CIMAP2: variants seen among roughly 807,000 people sequenced by gnomAD.
CIMAP2 encodes ciliary microtubule-associated protein 2.
chr1:54,813,020 C>T, the CIMAP2 span, among the ~76,000 whole-genome samples: 1 of 152,166 alleles, frequency 6.6e-6, no homozygotes, highest in African/African-American at 2.4e-5. Flanking sequence ...TCCCTGGAGC[C>T]CCCCAGACCT....
chr1:54,811,650 T>C, the CIMAP2 span: 1 of 839,754 alleles, frequency 1.2e-6, no homozygotes, highest in Non-Finnish European at 1.9e-6. Flanking sequence ...AACAATGTTG[T>C]GTGTCAGAGG....
chr1:54,811,765 G>GCCGGGGGGGGGCGGGCCCCCCCCC, the CIMAP2 span: 1 of 1,301,330 alleles, frequency 7.7e-7, no homozygotes, highest in East Asian at 2.5e-5. Flanking sequence ...GGTTCTGACA[G>GCCGGGGGGGGGCGGGCCCCCCCCC]CCTCCATGCC....
the CIMAP2 span, among the ~76,000 whole-genome samples, chr1:54,812,445 T>A: frequency 6.6e-6 from 1 of 152,200 alleles, no homozygotes; most frequent in Non-Finnish European, 1.5e-5. Context: ...CACTGCCAAC[T>A]CTCTCCTCTG....
the CIMAP2 span, chr1:54,807,175 A>G: frequency 7.4e-7 from 1 of 1,343,808 alleles, no homozygotes; most frequent in Non-Finnish European, 1.1e-6. Flanking sequence ...GAGCTGTAGA[A>G]GGGGCGTACT....
chr1:54,813,604 C>G, the CIMAP2 span, among the ~76,000 whole-genome samples: 1 of 152,154 alleles, frequency 6.6e-6, no homozygotes. Context: ...CTAACCCCGC[C>G]CCGACCCGCT....
chr1:54,811,765 G>GCCGGGGGGGGCGCCCCCC, the CIMAP2 span: 1 of 1,301,324 alleles, frequency 7.7e-7, no homozygotes, highest in Non-Finnish European at 1.1e-6. Context: ...GGTTCTGACA[G>GCCGGGGGGGGCGCCCCCC]CCTCCATGCC....
chr1:54,840,469 C>T, the CIMAP2 span, among the ~76,000 whole-genome samples: 49 of 152,204 alleles, frequency 3.2e-4, no homozygotes, highest in African/African-American at 1.1e-3. Context: ...TTCATGTAGA[C>T]GTATGTTTTT....
chr1:54,831,584 C>T, the CIMAP2 span, among the ~76,000 whole-genome samples: 3 of 151,682 alleles, frequency 2.0e-5, no homozygotes, highest in African/African-American at 7.3e-5. Flanking sequence ...ATCCGGGAGG[C>T]GGAGGGTGCA....
chr1:54,821,592 G>A, the CIMAP2 span, among the ~76,000 whole-genome samples: 1 of 152,082 alleles, frequency 6.6e-6, no homozygotes, highest in Non-Finnish European at 1.5e-5. Flanking sequence ...GTGTTTTGCA[G>A]TTTCCATTAT....
chr1:54,807,744 A>G, the CIMAP2 span: 1 of 1,536,600 alleles, frequency 6.5e-7, no homozygotes, highest in African/African-American at 1.4e-5. Context: ...CTTCCTGTCC[A>G]TTGCAGCTGC....
At chr1:54,806,162 G>A in the CIMAP2 span, 8 of 1,551,006 alleles carry the variant, frequency 5.2e-6, no homozygotes, top group South Asian at 1.2e-5. Context: ...CTGGAACCGC[G>A]TCGGCTCCAC....
chr1:54,819,125 T>A, the CIMAP2 span, among the ~76,000 whole-genome samples: 1 of 152,152 alleles, frequency 6.6e-6, no homozygotes, highest in Non-Finnish European at 1.5e-5. Flanking sequence ...TGTCTCTAGG[T>A]GTTTTCTGTG....
the CIMAP2 span, among the ~76,000 whole-genome samples, chr1:54,825,302 C>T: frequency 1.3e-5 from 2 of 151,950 alleles, no homozygotes; most frequent in South Asian, 2.1e-4. Flanking sequence ...CCTCCCGCCT[C>T]GGCCTCCCAA....
At chr1:54,841,807 G>T in the CIMAP2 span, 4 of 1,574,456 alleles carry the variant, frequency 2.5e-6, no homozygotes, top group Non-Finnish European at 3.5e-6. Context: ...AAAGGGAAAG[G>T]ATCACACCAT....
chr1:54,811,765 G>GCCGGGGGGCGGGGGGGCCCCCCCCC, the CIMAP2 span: 1 of 1,301,332 alleles, frequency 7.7e-7, no homozygotes, highest in Non-Finnish European at 1.1e-6. Flanking sequence ...GGTTCTGACA[G>GCCGGGGGGCGGGGGGGCCCCCCCCC]CCTCCATGCC....
chr1:54,811,764 A>AGCCGGGGGGG, the CIMAP2 span: 2 of 1,097,914 alleles, frequency 1.8e-6, no homozygotes, highest in Non-Finnish European at 2.7e-6. Flanking sequence ...TGGTTCTGAC[A>AGCCGGGGGGG]GCCTCCATGC....
chr1:54,829,279 A>G, the CIMAP2 span, among the ~76,000 whole-genome samples: 1 of 152,234 alleles, frequency 6.6e-6, no homozygotes, highest in East Asian at 1.9e-4. Context: ...TCCAGACCTT[A>G]GTTTTCCCAT....
the CIMAP2 span, among the ~76,000 whole-genome samples, chr1:54,824,820 G>A: frequency 6.6e-6 from 1 of 151,378 alleles, no homozygotes; most frequent in Non-Finnish European, 1.5e-5. Flanking sequence ...GTTTTCTCTT[G>A]TATCTCATTG....
At chr1:54,817,969 C>T in the CIMAP2 span, among the ~76,000 whole-genome samples, 1 of 152,180 alleles carries the variant, frequency 6.6e-6, no homozygotes, top group South Asian at 2.1e-4. Flanking sequence ...CCTTTCTGCA[C>T]ATCTGATCAA....
Sources: gnomAD v4.1 joint callset for allele counts (sites outside exome capture counted in the v4.1 genomes callset) on GRCh38, gnomAD v4.1.1 for gene constraint, MANE v1.5 for transcripts, NCBI Gene and HGNC (gene_info 2026-07-23, HGNC 2026-07-21) for gene names.